Variants in FARP1 observed in about 807,000 individuals in gnomAD.
FARP1 encodes FERM, ARHGEF and pleckstrin domain-containing protein 1.
In FARP1, 52 loss-of-function variants were observed where a neutral mutation model predicts 128.8. The ratio of observed to expected loss-of-function variants is 0.40; its 90% CI spans 0.32 to 0.51. FARP1 has a LOEUF of 0.51. Among genes scored for constraint, FARP1 ranks in the 20% least tolerant of loss-of-function variants. The pLI is 0.45. For missense variants in FARP1, 1,333 were observed against 1,367.9 expected (o/e 0.97, Z 0.40); for synonymous variants, 580 against 551.8 (o/e 1.05, Z -0.72).
intron 1 of FARP1, among the ~76,000 whole-genome samples, chr13:98,209,711 C>A (rs1447826310): frequency 7.5e-6 from 1 of 132,582 alleles, no homozygotes; most frequent in East Asian, 2.2e-4. Context: ...GCAGGAGAAT[C>A]GCTTGAACCT....
At chr13:98,281,467 C>G (rs187298701) in intron 2 of FARP1, among the ~76,000 whole-genome samples, 6 of 152,220 alleles carry the variant, frequency 3.9e-5, no homozygotes, top group African/African-American at 1.4e-4. Flanking sequence ...TCTTTAATCA[C>G]AGTGCAGTTA....
intron 2 of FARP1, among the ~76,000 whole-genome samples, chr13:98,246,896 C>A (rs897172419): frequency 2.0e-5 from 3 of 152,210 alleles, no homozygotes; most frequent in African/African-American, 7.2e-5. Flanking sequence ...ACCGTCTACA[C>A]AGAACCGAGG....
chr13:98,361,328 C>T (rs1205499924), intron 3 of FARP1, among the ~76,000 whole-genome samples: 3 of 152,218 alleles, frequency 2.0e-5, no homozygotes, highest in Admixed American at 2.0e-4. Flanking sequence ...CCATCTTGTG[C>T]TCCCAGCCCC....
intron 4 of FARP1, 104 bp downstream of exon 4, chr13:98,365,541 T>C (rs1889046612): frequency 2.7e-6 from 2 of 730,962 alleles, no homozygotes; most frequent in African/African-American, 1.8e-5. Context: ...GAAACACAAA[T>C]TCTTCTACCC....
chr13:98,358,827 C>T lies in FARP1; in HGVS notation c.277-6568C>T, dbSNP rs573176773. On this transcript the variant is annotated intron_variant, in intron 3 of 26. Transcript: ENST00000319562. The stretch of plus-strand genomic sequence containing the variant: ...ATTTTTTTTGTATTTTTTGTAGAGA[C>T]GGGGTTTCACCATGTTAGCCAGGAT... Among the ~76,000 whole-genome samples the T allele has an allele frequency of 2.6e-5, 4 of 151,882 alleles. No individual in the cohort carries two copies. The South Asian group carries it at 6.3e-4, about 24-fold the overall frequency.
intron 2 of FARP1, among the ~76,000 whole-genome samples, chr13:98,248,931 T>G (rs1883199186): frequency 6.6e-6 from 1 of 152,108 alleles, no homozygotes; most frequent in Non-Finnish European, 1.5e-5. Flanking sequence ...AAACGGGTGT[T>G]AGGGAAGCTT....
rs1320059786 is a variant in FARP1, at chr13:98,200,392, C to G, written c.-23-12828C>G. Among the ~76,000 whole-genome samples the G allele has an allele frequency of 4.9e-5, 7 of 144,302 alleles. No homozygotes were observed. The East Asian group carries it at 6.8e-4, about 14-fold the overall frequency. The allele number at this position is 144,302 out of a possible 152,430, so 94.7% of individuals were successfully genotyped here. The stretch of plus-strand genomic sequence containing the variant: ...TCACCTGGAATGCAACCTTCACCCC[C>G]CCCCCCTCCCCTTTGTGATTCAGTG... On this transcript the variant is annotated intron_variant, in intron 1 of 26. Transcript: ENST00000319562.
intron 2 of FARP1, among the ~76,000 whole-genome samples, chr13:98,303,762 A>C (rs1886017627): frequency 6.6e-6 from 1 of 152,228 alleles, no homozygotes; most frequent in South Asian, 2.1e-4. Flanking sequence ...TATGTGTAAC[A>C]GGAGTGGAAT....
At chr13:98,192,961 G>A (rs1422067815) in intron 1 of FARP1, among the ~76,000 whole-genome samples, 3 of 152,110 alleles carry the variant, frequency 2.0e-5, no homozygotes, top group East Asian at 1.9e-4. Flanking sequence ...CGCAAACCCC[G>A]GCAGGGTGTG....
chr13:98,315,054 G>T (rs1886662465), intron 2 of FARP1, among the ~76,000 whole-genome samples: 1 of 152,208 alleles, frequency 6.6e-6, no homozygotes, highest in African/African-American at 2.4e-5. Context: ...CGCTCCCAGG[G>T]CTCCTTAAAT....
chr13:98,283,272 G>A (rs924994440), intron 2 of FARP1, among the ~76,000 whole-genome samples: 1 of 152,186 alleles, frequency 6.6e-6, no homozygotes, highest in African/African-American at 2.4e-5. Context: ...GAAAACCAAA[G>A]GGAAGTTTTA....
At chr13:98,316,710 C>T (rs1308421495) in intron 2 of FARP1, among the ~76,000 whole-genome samples, 1 of 152,190 alleles carries the variant, frequency 6.6e-6, no homozygotes, top group East Asian at 1.9e-4. Flanking sequence ...TATAGCTTTA[C>T]CCAGTGATTC....
intron 17 of FARP1, 77 bp downstream of exon 17, chr13:98,424,727 A>G (rs1425794213): frequency 1.0e-6 from 1 of 985,978 alleles, no homozygotes; most frequent in African/African-American, 1.6e-5. Flanking sequence ...ATAGGCTGTA[A>G]GCCATTTCCA....
At chr13:98,287,692 C>A (rs1333136496) in intron 2 of FARP1, among the ~76,000 whole-genome samples, 1 of 151,890 alleles carries the variant, frequency 6.6e-6, no homozygotes, top group African/African-American at 2.4e-5. Context: ...TTCTTTAGCT[C>A]ATTTTTAATT....
At chr13:98,175,369 G>A (rs1022394689) in intron 1 of FARP1, among the ~76,000 whole-genome samples, 10 of 152,032 alleles carry the variant, frequency 6.6e-5, no homozygotes, top group South Asian at 2.1e-4. Flanking sequence ...AAACTTCAGC[G>A]TGGATATTCT....
At chr13:98,289,451 G>A (rs766758398) in intron 2 of FARP1, among the ~76,000 whole-genome samples, 2 of 152,156 alleles carry the variant, frequency 1.3e-5, no homozygotes, top group Non-Finnish European at 2.9e-5. Flanking sequence ...TATTTCCAAT[G>A]ATAGATGAAA....
At chr13:98,314,274 C>CTTTTTTTTTTTT (rs140938723) in intron 2 of FARP1, among the ~76,000 whole-genome samples, 2 of 59,988 alleles carry the variant, frequency 3.3e-5, no homozygotes, top group Non-Finnish European at 5.8e-5. Context: ...TATTTTATGT[C>CTTTTTTTTTTTT]TTTTTTTTTT....
intron 2 of FARP1, among the ~76,000 whole-genome samples, chr13:98,331,414 C>T (rs930445386): frequency 3.3e-5 from 5 of 152,102 alleles, no homozygotes; most frequent in Non-Finnish European, 7.3e-5. Flanking sequence ...CCCCATTTCC[C>T]ACCTTTTTCC....
chr13:98,418,240 A>G (rs1315279750), intron 16 of FARP1, among the ~76,000 whole-genome samples: 1 of 151,190 alleles, frequency 6.6e-6, no homozygotes, highest in Admixed American at 6.6e-5. Context: ...GCATGAGTAA[A>G]ATTACATGTT....
Sources: allele counts gnomAD v4.1 joint callset (sites outside exome capture counted in the v4.1 genomes callset), GRCh38; gene constraint gnomAD v4.1.1; transcripts MANE v1.5; gene names NCBI Gene and HGNC (gene_info 2026-07-23, HGNC 2026-07-21).